Variants in BICRAL observed in about 807,000 individuals in gnomAD.
The protein encoded by BICRAL is BICRA like chromatin remodeling complex associated protein, also known as BRD4-interacting chromatin-remodeling complex-associated protein-like.
BICRAL carries 8 observed loss-of-function variants against 91.8 expected under a neutral mutation model. The ratio of observed to expected loss-of-function variants is 0.09; its 90% CI spans 0.05 to 0.16. The LOEUF is 0.16. Among genes scored for constraint, BICRAL ranks in the 10% least tolerant of loss-of-function variants. The pLI, the probability that BICRAL is intolerant of heterozygous loss-of-function variation, is 1.00. For synonymous variants in BICRAL, 445 were observed against 491.1 expected (o/e 0.91, Z 1.24); for missense variants, 1,038 against 1,310.9 (o/e 0.79, Z 3.21).
Position 42,845,743 on chromosome 6 carries a change from C to T in BICRAL, c.1840-6349C>T, listed in dbSNP as rs146224275. On this transcript the variant is annotated intron_variant, in intron 6 of 12. Transcript: ENST00000314073. ...CGGTTTCCAATACTTAACAATACAT[C>T]AGAATCAACTGGAAAGCTTTAAAAA... Among the ~76,000 whole-genome samples, 8 of 152,124 alleles carry T rather than the reference C, an allele frequency of 5.3e-5. No individual in the cohort carries two copies. In the East Asian group the frequency reaches 1.5e-3, roughly 29 times the overall value.
intron 6 of BICRAL, among the ~76,000 whole-genome samples, chr6:42,847,046 T>C (rs1765034085): frequency 6.6e-6 from 1 of 152,192 alleles, no homozygotes; most frequent in Non-Finnish European, 1.5e-5. Flanking sequence ...AGCAGATCAC[T>C]TCAGACCAGA....
At chr6:42,808,740 A>G (rs796859083) in intron 1 of BICRAL, among the ~76,000 whole-genome samples, 63 of 152,270 alleles carry the variant, frequency 4.1e-4, no homozygotes, top group African/African-American at 1.4e-3. Context: ...CCTCCAAGAC[A>G]GCTCCTGGAT....
intron 1 of BICRAL, among the ~76,000 whole-genome samples, chr6:42,747,805 G>GTTTTTTTTT (rs56209754): frequency 5.6e-5 from 7 of 125,308 alleles, no homozygotes; most frequent in Non-Finnish European, 8.4e-5. Context: ...GTTTTATTTT[G>GTTTTTTTTT]TTTTTTTTTT....
At chr6:42,747,726 G>A (rs958061239) in intron 1 of BICRAL, among the ~76,000 whole-genome samples, 1 of 152,078 alleles carries the variant, frequency 6.6e-6, no homozygotes, top group Non-Finnish European at 1.5e-5. Context: ...TTACTCTTGT[G>A]CATAGTCATC....
chr6:42,796,766 G>A (rs992632145), intron 1 of BICRAL, among the ~76,000 whole-genome samples: 1 of 151,942 alleles, frequency 6.6e-6, no homozygotes, highest in Non-Finnish European at 1.5e-5. Context: ...ATGAGCTGTC[G>A]GCCGGGTGCA....
At chr6:42,792,434 ATTT>A (rs534995773) in intron 1 of BICRAL, among the ~76,000 whole-genome samples, 2 of 144,078 alleles carry the variant, frequency 1.4e-5, no homozygotes, top group Non-Finnish European at 3.0e-5. Flanking sequence ...TGCCCAGCTA[ATTT>A]TTTTTTTTTT....
chr6:42,779,208 T>G (rs1762847039), upstream of BICRAL, among the ~76,000 whole-genome samples: 1 of 133,062 alleles, frequency 7.5e-6, no homozygotes, highest in African/African-American at 2.9e-5. Context: ...CAGAGGGAGA[T>G]CCTGTCTCAA....
At chr6:42,815,520 T>C (rs1763966788) in intron 2 of BICRAL, among the ~76,000 whole-genome samples, 1 of 152,044 alleles carries the variant, frequency 6.6e-6, no homozygotes, top group African/African-American at 2.4e-5. Flanking sequence ...CAAAACTGAT[T>C]TGCTGAACTG....
chr6:42,826,445 G>A (rs1237795833), intron 5 of BICRAL, among the ~76,000 whole-genome samples: 1 of 151,906 alleles, frequency 6.6e-6, no homozygotes, highest in African/African-American at 2.4e-5. Context: ...CAGTTGGCCA[G>A]GCTGGTCTTG....
In BICRAL at chr6:42,766,124, A is replaced by T. The variant is rs920289210; in HGVS notation, c.-260-15715A>T. The stretch of plus-strand genomic sequence containing the variant: ...GCTTCCCAAAGTGCTGGGAATGCAG[A>T]TGTGAGCCACCATGCCCAGCCTTCC... On this transcript the variant is annotated intron_variant, in intron 1 of 14. Transcript: ENST00000614467. 2.6e-5 allele frequency among the ~76,000 whole-genome samples: 4 copies of T among 152,270 alleles called. No homozygotes were observed. The East Asian group carries it at 7.7e-4, about 29-fold the overall frequency.
chr6:42,806,940 C>G (rs185665071), intron 1 of BICRAL, among the ~76,000 whole-genome samples: 16 of 152,270 alleles, frequency 1.1e-4, no homozygotes, highest in Non-Finnish European at 1.3e-4. Context: ...AAGCAATTCT[C>G]CTGCCTCAGC....
chr6:42,838,936 G>A (rs751798740), intron 6 of BICRAL, among the ~76,000 whole-genome samples: 2 of 151,766 alleles, frequency 1.3e-5, no homozygotes, highest in Non-Finnish European at 2.9e-5. Flanking sequence ...ACTCCAGCCT[G>A]GGTGACAGAG....
At chr6:42,840,203 CTTTA>C (rs1237475165) in intron 6 of BICRAL, among the ~76,000 whole-genome samples, 2 of 150,978 alleles carry the variant, frequency 1.3e-5, no homozygotes, top group African/African-American at 2.5e-5. Context: ...AGACAAATCT[CTTTA>C]TTTTTGTTCT....
chr6:42,855,831 A>ATAAAACCTCT, intron 8 of BICRAL, 25 bp from the exon 9 acceptor site: 1 of 1,589,586 alleles, frequency 6.3e-7, no homozygotes, highest in Non-Finnish European at 8.6e-7. Context: ...AAAAGGGAAT[A>ATAAAACCTCT]ATAAGAGGTT....
At chr6:42,863,091 C>T (rs183287625) in intron 12 of BICRAL, among the ~76,000 whole-genome samples, 3 of 150,756 alleles carry the variant, frequency 2.0e-5, no homozygotes, top group Admixed American at 1.3e-4. Context: ...GCTCTGTCGC[C>T]CAGGCTGGAG....
chr6:42,772,749 G>A (rs749407989), intron 1 of BICRAL, among the ~76,000 whole-genome samples: 2 of 152,126 alleles, frequency 1.3e-5, no homozygotes, highest in Non-Finnish European at 2.9e-5. Context: ...ATTTGGATAG[G>A]AGATCAATGG....
At chr6:42,772,662 GGGCAGTGA>G (rs1381832298) in intron 1 of BICRAL, among the ~76,000 whole-genome samples, 3 of 152,118 alleles carry the variant, frequency 2.0e-5, no homozygotes, top group Non-Finnish European at 1.5e-5. Context: ...AAACATCCCT[GGGCAGTGA>G]GGCAGTGAGG....
Position 42,757,650 on chromosome 6 carries a change from T to C in BICRAL, c.-261+10627T>C, listed in dbSNP as rs532399895. Among the ~76,000 whole-genome samples, 27 of 152,144 alleles carry C rather than the reference T, an allele frequency of 1.8e-4. 1 individual carries two copies. The South Asian group carries it at 5.0e-3, about 28-fold the overall frequency. Reference sequence around the variant, plus strand: ...GATCTGTCTGCCTCGGCCTCCCAAATTGCTGGGATTACAGGCATGAGCCAC... The same window carrying C: ...GATCTGTCTGCCTCGGCCTCCCAAACTGCTGGGATTACAGGCATGAGCCAC... On this transcript the variant is annotated intron_variant, in intron 1 of 14. Transcript: ENST00000614467.
intron 6 of BICRAL, among the ~76,000 whole-genome samples, chr6:42,835,383 C>T (rs1452136628): frequency 1.3e-5 from 2 of 152,094 alleles, no homozygotes; most frequent in Non-Finnish European, 2.9e-5. Flanking sequence ...CCCACCTCAG[C>T]CTCCCAAAGT....
Sources: gnomAD v4.1 joint callset for allele counts (sites outside exome capture counted in the v4.1 genomes callset) on GRCh38, gnomAD v4.1.1 for gene constraint, MANE v1.5 for transcripts, NCBI Gene and HGNC (gene_info 2026-07-23, HGNC 2026-07-21) for gene names.